The following GDA variants were observed in gnomAD, a reference collection of about 807,000 sequenced individuals.
GDA encodes the protein cytoplasmic PSD-95 interactor.
GDA carries 18 observed loss-of-function variants against 59.6 expected under a neutral mutation model. That is an observed-to-expected ratio of 0.30 (90% CI 0.21 to 0.45). The LOEUF (loss-of-function observed/expected upper bound fraction) is 0.45, where lower values mean the gene tolerates loss of function less well. Among genes scored for constraint, GDA ranks in the 20% least tolerant of loss-of-function variants. The pLI, the probability that GDA is intolerant of heterozygous loss-of-function variation, is 1.00. For missense variants in GDA, 427 were observed against 552.3 expected, an observed-to-expected ratio of 0.77 and a Z score of 2.27; for synonymous variants, 201 against 201.1, an observed-to-expected ratio of 1.00 and a Z score of 0.00.
chr9:72,170,935 GC>G (rs1260961286), intron 1 of GDA, among the ~76,000 whole-genome samples: 1 of 152,048 alleles, frequency 6.6e-6, no homozygotes, highest in East Asian at 1.9e-4. Context: ...TCCCACCTCA[GC>G]CTCCCAAGTA....
In GDA at chr9:72,248,454, T is replaced by C; in HGVS notation, c.*112T>C. 3 of 1,538,182 alleles carry C rather than the reference T, an allele frequency of 2.0e-6. No homozygotes were observed. In the South Asian group the frequency reaches 3.7e-5, roughly 19 times the overall value. On this transcript the variant is annotated 3_prime_UTR_variant, in exon 14 of 14. Coordinates refer to ENST00000358399, the MANE Select transcript of GDA (RefSeq NM_004293.5). The stretch of plus-strand genomic sequence containing the variant: ...TAGTACCTTGTTCTTGGGATGACTA[T>C]CCCTTTCTGTGTCTAGTTACAGTAT...
At chr9:72,126,424 C>T (rs1183413230) in intron 1 of GDA, among the ~76,000 whole-genome samples, 4 of 152,116 alleles carry the variant, frequency 2.6e-5, no homozygotes, top group Non-Finnish European at 5.9e-5. Context: ...TGTTGAGTAG[C>T]AGCCATGAAC....
chr9:72,200,146 T>A (rs10869146), intron 2 of GDA, among the ~76,000 whole-genome samples: 1 of 151,174 alleles, frequency 6.6e-6, no homozygotes, highest in Non-Finnish European at 1.5e-5. Flanking sequence ...TACAGGCGCC[T>A]GCCACCACGC....
intron 5 of GDA, 69 bp from the exon 6 acceptor site, chr9:72,219,410 A>AAAT: frequency 8.5e-7 from 1 of 1,182,338 alleles, no homozygotes; most frequent in Non-Finnish European, 1.2e-6. Flanking sequence ...CTGAAGAAAA[A>AAAT]AATAATAATA....
chr9:72,220,273 T>C (rs541032432), intron 6 of GDA, among the ~76,000 whole-genome samples: 2 of 152,346 alleles, frequency 1.3e-5, no homozygotes, highest in Admixed American at 6.5e-5. Flanking sequence ...TTTTGCTTTC[T>C]TGGGGGCAGC....
Position 72,149,629 on chromosome 9 carries a change from T to C in GDA, c.70T>C (p.Cys24Arg), listed in dbSNP as rs149389770. Reference protein sequence around the residue: ...RGTFVHSTWTCPMEVLRDHLL... With the variant: ...RGTFVHSTWTRPMEVLRDHLL... ...GACGTTCGTCCACTCCACCTGGACC[T>C]GCCCCATGGAGGTGCTGCGGGATCA... Residue 24 changes from cysteine to arginine, a missense_variant, in exon 1 of 14, where the codon TGC becomes CGC. Transcript: ENST00000358399. 2.7e-5 allele frequency: 44 copies of C among 1,610,002 alleles called. No individual in the cohort carries two copies. Among genetic ancestry groups the C allele is most frequent in the Middle Eastern group, 1.6e-4 (1 of 6,068 alleles).
At chr9:72,210,801 G>C (rs772217332) in intron 4 of GDA, 27 bp downstream of exon 4, 1 of 1,380,928 alleles carries the variant, frequency 7.2e-7, no homozygotes, top group African/African-American at 1.4e-5. Context: ...TGATTTATGG[G>C]CACCTCAAGC....
intron 1 of GDA, among the ~76,000 whole-genome samples, chr9:72,133,459 A>C (rs760798689): frequency 6.6e-6 from 1 of 152,078 alleles, no homozygotes; most frequent in Non-Finnish European, 1.5e-5. Context: ...AAAATCAGCA[A>C]TGTGAATGGT....
chr9:72,149,750 G>C, intron 1 of GDA, 68 bp downstream of exon 1: 1 of 1,466,728 alleles, frequency 6.8e-7, no homozygotes, highest in African/African-American at 1.5e-5. Context: ...CTGGCGCGGT[G>C]CTTCGCGTAG....
chr9:72,187,357 G>A (rs879926653), intron 1 of GDA, among the ~76,000 whole-genome samples: 5 of 152,168 alleles, frequency 3.3e-5, no homozygotes, highest in Non-Finnish European at 7.4e-5. Flanking sequence ...ACAGTGAGTT[G>A]TTATAAAATG....
chr9:72,244,157 A>G (rs1203446149), intron 11 of GDA, among the ~76,000 whole-genome samples: 1 of 151,626 alleles, frequency 6.6e-6, no homozygotes, highest in Non-Finnish European at 1.5e-5. Flanking sequence ...AGCCTAGGCG[A>G]CAGAGCAAGA....
At chr9:72,208,809 G>A (rs940338498) in intron 3 of GDA, among the ~76,000 whole-genome samples, 2 of 152,186 alleles carry the variant, frequency 1.3e-5, no homozygotes, top group South Asian at 2.1e-4. Flanking sequence ...TGTACTTGTG[G>A]GAAGACCTCC....
chr9:72,119,667 G>A (rs1448165262), intron 1 of GDA, among the ~76,000 whole-genome samples: 1 of 152,114 alleles, frequency 6.6e-6, no homozygotes, highest in Admixed American at 6.6e-5. Flanking sequence ...TTGTTTTGGG[G>A]ATAAGAAAGA....
intron 1 of GDA, among the ~76,000 whole-genome samples, chr9:72,178,781 A>G (rs897814908): frequency 1.3e-5 from 2 of 152,198 alleles, no homozygotes; most frequent in African/African-American, 4.8e-5. Flanking sequence ...TCCTCGCTGT[A>G]ATCAAGTCTC....
chr9:72,192,416 G>C (rs1832671549), intron 1 of GDA, among the ~76,000 whole-genome samples: 1 of 150,230 alleles, frequency 6.7e-6, no homozygotes, highest in Non-Finnish European at 1.5e-5. Flanking sequence ...AGTTTTAGTA[G>C]AGACGGGTTT....
Position 72,247,424 on chromosome 9 carries a change from C to G in GDA, c.1285C>G (p.Leu429Val). The part of the protein sequence containing the change: ...DISEAVIQKF[L>V]YLGDDRNIEE... The stretch of plus-strand genomic sequence containing the variant: ...ATTTTAGGCTGTTATCCAGAAGTTC[C>G]TCTATCTAGGTAGGTAGATGCATGT... Residue 429 changes from leucine to valine, a missense_variant, in exon 13 of 14, where the codon CTC (leucine) becomes GTC (valine). Coordinates refer to ENST00000358399, the MANE Select transcript of GDA (RefSeq NM_004293.5). 1 of 1,477,854 alleles carries G rather than the reference C, an allele frequency of 6.8e-7. No homozygotes were observed. The highest frequency in any genetic ancestry group is 9.5e-7 in the Non-Finnish European group (1 of 1,055,948). 91.5% of individuals were successfully genotyped at this position (1,477,854 alleles called of 1,614,324 possible). A position where few individuals can be genotyped will look rare whatever the true frequency, so the allele number is the denominator to read the frequency against.
At chr9:72,157,246 G>A (rs1188890079) in intron 1 of GDA, among the ~76,000 whole-genome samples, 1 of 151,984 alleles carries the variant, frequency 6.6e-6, no homozygotes, top group African/African-American at 2.4e-5. Flanking sequence ...TCGCCATGTT[G>A]GGCAGGCTGG....
chr9:72,137,215 A>T (rs77676693), intron 1 of GDA, among the ~76,000 whole-genome samples: 1,263 of 42,960 alleles, frequency 0.029, 24 homozygotes, highest in African/African-American at 0.045. Flanking sequence ...TTAAAAAAAA[A>T]AAAAATTAGG....
At chr9:72,149,986 C>A (rs1339036696) in intron 1 of GDA, among the ~76,000 whole-genome samples, 1 of 152,098 alleles carries the variant, frequency 6.6e-6, no homozygotes, top group Non-Finnish European at 1.5e-5. Context: ...CCCCGCCCCC[C>A]GTTCCAATCC....
Sources: gnomAD v4.1 joint callset for allele counts (sites outside exome capture counted in the v4.1 genomes callset) on GRCh38, gnomAD v4.1.1 for gene constraint, MANE v1.5 for transcripts, NCBI Gene and HGNC (gene_info 2026-07-23, HGNC 2026-07-21) for gene names.